MAGI3: variants seen among roughly 807,000 people sequenced by gnomAD.
MAGI3 encodes membrane-associated guanylate kinase, WW and PDZ domain-containing protein 3.
Under a neutral mutation model 121.8 loss-of-function variants are expected in MAGI3, and 43 were observed. That is an observed-to-expected ratio of 0.35 (90% CI 0.28 to 0.46). MAGI3 has a LOEUF of 0.46. Among genes scored for constraint, MAGI3 ranks in the 20% least tolerant of loss-of-function variants. The pLI, the probability that MAGI3 is intolerant of heterozygous loss-of-function variation, is 1.00. For missense variants in MAGI3, 1,547 were observed against 1,797.3 expected (o/e 0.86, Z 2.52); for synonymous variants, 553 against 639.3 (o/e 0.86, Z 2.04).
chr1:113,624,792 A>G (rs551759533), intron 9 of MAGI3, among the ~76,000 whole-genome samples: 9 of 152,310 alleles, frequency 5.9e-5, no homozygotes, highest in Non-Finnish European at 1.0e-4. Context: ...GCCCAGACCA[A>G]TGTCCTGGAG....
At chr1:113,652,509 G>A (rs2100984994) in intron 14 of MAGI3, among the ~76,000 whole-genome samples, 1 of 152,092 alleles carries the variant, frequency 6.6e-6, no homozygotes, top group African/African-American at 2.4e-5. Flanking sequence ...GCCTCAATTT[G>A]GTTGTGTTGG....
In MAGI3 at chr1:113,516,348, G is replaced by A. The variant is rs895912894; in HGVS notation, c.317-33167G>A. Among the ~76,000 whole-genome samples the A allele has an allele frequency of 6.1e-5, 8 of 130,516 alleles. No individual in the cohort carries two copies. The South Asian group carries it at 1.9e-3, about 32-fold the overall frequency. The allele number at this position is 130,516 out of a possible 152,430, so 85.6% of individuals were successfully genotyped here. ...TGGGTTGGAAAAAACTACAAGATGA[G>A]CCTGGAGCATTTTGTAGTGCCAGAA... On this transcript the variant is annotated intron_variant, in intron 1 of 20. Coordinates refer to ENST00000307546, the MANE Select transcript of MAGI3 (RefSeq NM_001142782.2).
intron 1 of MAGI3, among the ~76,000 whole-genome samples, chr1:113,470,876 T>C (rs1655508143): frequency 6.6e-6 from 1 of 152,214 alleles, no homozygotes; most frequent in African/African-American, 2.4e-5. Flanking sequence ...ATTTCTTCTT[T>C]TTAAAAGCCA....
chr1:113,561,564 C>T (rs528755465), intron 2 of MAGI3, among the ~76,000 whole-genome samples: 1 of 152,118 alleles, frequency 6.6e-6, no homozygotes, highest in Admixed American at 6.5e-5. Flanking sequence ...AATTTAACAA[C>T]CCTTCAGGTT....
At chr1:113,440,949 C>G (rs896785359) in intron 1 of MAGI3, among the ~76,000 whole-genome samples, 1 of 152,042 alleles carries the variant, frequency 6.6e-6, no homozygotes, top group Non-Finnish European at 1.5e-5. Flanking sequence ...CTTAAGAATG[C>G]TTAAAAAAAT....
At chr1:113,561,030 T>A (rs1428509052) in intron 2 of MAGI3, among the ~76,000 whole-genome samples, 2 of 152,260 alleles carry the variant, frequency 1.3e-5, no homozygotes, top group East Asian at 3.9e-4. Context: ...AATGGATAAA[T>A]TCCTGGACAT....
chr1:113,477,763 A>T (rs1170572960), intron 1 of MAGI3, among the ~76,000 whole-genome samples: 1 of 152,102 alleles, frequency 6.6e-6, no homozygotes. Context: ...CCTGAATTTG[A>T]ATGTTGGCCT....
chr1:113,453,831 T>C, intron 1 of MAGI3, among the ~76,000 whole-genome samples: 1 of 152,254 alleles, frequency 6.6e-6, no homozygotes, highest in East Asian at 1.9e-4. Flanking sequence ...ATATACACAT[T>C]AGTATGAGAA....
At chr1:113,516,390 C>A (rs371876841) in intron 1 of MAGI3, among the ~76,000 whole-genome samples, 18 of 71,004 alleles carry the variant, frequency 2.5e-4, no homozygotes, top group African/African-American at 4.8e-4. Flanking sequence ...GAAGTTCTCA[C>A]AAAAAAAAAA....
At chr1:113,606,526 T>G (rs1415961285) in intron 6 of MAGI3, among the ~76,000 whole-genome samples, 2 of 152,176 alleles carry the variant, frequency 1.3e-5, no homozygotes, top group African/African-American at 2.4e-5. Context: ...TAGAAAGCAT[T>G]TATTCTCATA....
At position 113,471,716 on chromosome 1, in the gene MAGI3, G is replaced by GT. The variant is rs928486753; in HGVS notation, c.317-77791dup. Among the ~76,000 whole-genome samples the GT allele has an allele frequency of 5.3e-5, 8 of 152,018 alleles. No individual in the cohort carries two copies. The South Asian group carries it at 8.3e-4, about 16-fold the overall frequency. Reference sequence around the variant, plus strand: ...TTTTATATGACTGGCAATACATTAGGTTTTTTTTATACCAGCATCACCACA... The same window carrying GT: ...TTTTATATGACTGGCAATACATTAGGTTTTTTTTTATACCAGCATCACCACA... On this transcript the variant is annotated intron_variant, in intron 1 of 20. Coordinates refer to ENST00000307546, the MANE Select transcript of MAGI3 (RefSeq NM_001142782.2).
At chr1:113,577,176 T>G (rs1249124287) in intron 2 of MAGI3, among the ~76,000 whole-genome samples, 5 of 152,162 alleles carry the variant, frequency 3.3e-5, no homozygotes, top group Non-Finnish European at 7.3e-5. Flanking sequence ...GAGGTCCTGG[T>G]AATGTTCTGC....
At chr1:113,586,135 G>A (rs1478168369) in intron 4 of MAGI3, among the ~76,000 whole-genome samples, 3 of 152,158 alleles carry the variant, frequency 2.0e-5, no homozygotes, top group African/African-American at 7.2e-5. Context: ...TGCTCCTTTT[G>A]AGTAGCCCTA....
intron 1 of MAGI3, among the ~76,000 whole-genome samples, chr1:113,416,024 T>TAATTACACATATTAATTATGTAATG (rs1263806372): frequency 2.6e-4 from 36 of 138,126 alleles, no homozygotes; most frequent in South Asian, 1.5e-3. Flanking sequence ...ATTATGTAAT[T>TAATTACACATATTAATTATGTAATG]AATGACACAT....
rs1650756177 is a variant in MAGI3, at chr1:113,390,976, C to A, written c.-58C>A. The A allele has an allele frequency of 6.9e-7, 1 of 1,451,008 alleles. No homozygotes were observed. Among genetic ancestry groups the A allele is most frequent in the Admixed American group, 2.6e-5 (1 of 38,832 alleles). The allele number at this position is 1,451,008 out of a possible 1,614,324, so 89.9% of individuals were successfully genotyped here. A position where few individuals can be genotyped will look rare whatever the true frequency, so the allele number is the denominator to read the frequency against. ...CAGGGCCCCCGGGCTGAGACGGGGC[C>A]GGAGCGGCGCCCCGGCCGCCCGCGC... On this transcript the variant is annotated 5_prime_UTR_variant, in exon 1 of 21. Transcript: ENST00000307546.
intron 1 of MAGI3, among the ~76,000 whole-genome samples, chr1:113,476,467 A>C (rs568844416): frequency 2.6e-5 from 4 of 152,100 alleles, no homozygotes; most frequent in Non-Finnish European, 5.9e-5. Context: ...TTCTGCCTTC[A>C]TTTTGTTATT....
intron 6 of MAGI3, among the ~76,000 whole-genome samples, chr1:113,611,652 G>A (rs942407255): frequency 5.9e-5 from 9 of 151,816 alleles, no homozygotes; most frequent in South Asian, 2.1e-4. Context: ...CATCTATTTC[G>A]TCCTTTATTA....
chr1:113,568,926 T>G (rs917544615), intron 2 of MAGI3, among the ~76,000 whole-genome samples: 2 of 152,090 alleles, frequency 1.3e-5, no homozygotes, highest in Non-Finnish European at 2.9e-5. Context: ...AGGAAAAGAT[T>G]TATACATTTG....
intron 1 of MAGI3, among the ~76,000 whole-genome samples, chr1:113,456,579 T>C (rs1654769188): frequency 6.6e-6 from 1 of 152,204 alleles, no homozygotes; most frequent in Non-Finnish European, 1.5e-5. Flanking sequence ...GAACATTTCA[T>C]AACATAAGTT....
Sources: allele counts gnomAD v4.1 joint callset (sites outside exome capture counted in the v4.1 genomes callset), GRCh38; gene constraint gnomAD v4.1.1; transcripts MANE v1.5; gene names NCBI Gene and HGNC (gene_info 2026-07-23, HGNC 2026-07-21).